The following PER2 variants were observed in gnomAD, a reference collection of about 807,000 sequenced individuals.
The protein encoded by PER2 is period circadian regulator 2, also known as period circadian protein homolog 2.
A neutral mutation model predicts 121.0 loss-of-function variants in PER2; 66 were observed. The observed-to-expected ratio is 0.55, with a 90% CI of 0.45 to 0.67. The LOEUF is 0.67. PER2 is among the 30% of genes least tolerant of loss of function. The probability of loss-of-function intolerance (pLI) is 0.00; values close to 1 mark genes in which losing one functional copy is unlikely to be tolerated. For missense variants in PER2, 1,521 were observed against 1,635.0 expected (o/e 0.93, Z 1.20); for synonymous variants, 684 against 659.9 (o/e 1.04, Z -0.56).
At chr2:238,260,803 T>C in intron 13 of PER2, 25 bp downstream of exon 13, 1 of 1,613,924 alleles carries the variant, frequency 6.2e-7, no homozygotes, top group South Asian at 1.1e-5. Context: ...ACTCATTTTC[T>C]CAGGGAGAAT....
chr2:238,254,877 T>G (rs1695714672), intron 18 of PER2: 1 of 152,104 alleles, frequency 6.6e-6, no homozygotes, highest in Non-Finnish European at 1.5e-5. Flanking sequence ...GCTTAATTTC[T>G]TACAAATTTC....
rs772375894 is a variant in PER2, at chr2:238,257,013, G to A, written c.1974C>T (p.Gly658=). ...GTHLTSLALP[G]KAESVASLTS... Reference sequence around the variant, plus strand: ...TGAGCGACGCCACACTCTCTGCCTTGCCCGGCAGTGCCAGCGAGGTCAGGT... The same window carrying A: ...TGAGCGACGCCACACTCTCTGCCTTACCCGGCAGTGCCAGCGAGGTCAGGT... The change falls in exon 17 of 23, where the codon GGC becomes GGT. Residue 658 remains glycine (G), a synonymous_variant. Coordinates refer to ENST00000254657, the MANE Select transcript of PER2 (RefSeq NM_022817.3). The A allele has an allele frequency of 9.3e-6, 15 of 1,613,472 alleles. No individual in the cohort carries two copies. Among genetic ancestry groups the A allele is most frequent in the Middle Eastern group, 1.6e-4 (1 of 6,082 alleles).
chr2:238,261,789 C>T lies in PER2; in HGVS notation c.1356G>A (p.Glu452=). ...CCTGAATGCTGGGGTGCAGGGCCTT[C>T]TCCTCTGTGCAGGGGTGGGCTGCAA... ...DVFAAHPCTE[E]KALHPSIQEL... The change falls in exon 12 of 23, where the codon GAG becomes GAA. Residue 452 remains glutamate, a synonymous_variant. Coordinates refer to ENST00000254657, the MANE Select transcript of PER2 (RefSeq NM_022817.3). 2 of 1,577,780 alleles carry T rather than the reference C, an allele frequency of 1.3e-6. No homozygotes were observed. Among genetic ancestry groups the T allele is most frequent in the East Asian group, 2.3e-5 (1 of 42,904 alleles).
chr2:238,260,827 C>A lies in PER2; in HGVS notation c.1542+1G>T. On this transcript the variant is annotated splice_donor_variant, in intron 13 of 22. Transcript: ENST00000254657. LOFTEE classifies it high-confidence loss of function. ...CTCAGGGAGAATGGAAGGAGACGTA[C>A]GGCTCTCCTCCGGCGTGAGTCCTCA... 2 of 1,614,004 alleles carry A rather than the reference C, an allele frequency of 1.2e-6. No individual in the cohort carries two copies. The highest frequency in any genetic ancestry group is 8.5e-7 in the Non-Finnish European group (1 of 1,179,920).
chr2:238,261,093 T>A lies in PER2; in HGVS notation c.1417-140A>T, dbSNP rs1695913882. The A allele has an allele frequency of 1.9e-5, 19 of 1,026,802 alleles. No individual in the cohort carries two copies. The South Asian group carries it at 2.8e-4, about 15-fold the overall frequency. 63.6% of individuals were successfully genotyped at this position (1,026,802 alleles called of 1,614,324 possible). ...ATGGCAGAGACCAGGGGAGCTGAGG[T>A]TTGAACCCCAGGGTCAGCTCCAGAG... On this transcript the variant is annotated intron_variant, in intron 12 of 22. Transcript: ENST00000254657.
chr2:238,270,917 G>A (rs1018392817), intron 6 of PER2, among the ~76,000 whole-genome samples: 16 of 152,246 alleles, frequency 1.1e-4, no homozygotes, highest in Non-Finnish European at 1.9e-4. Flanking sequence ...TCTGGGATAT[G>A]ACCCACTCAC....
At position 238,255,782 on chromosome 2, in the gene PER2, G is replaced by A. The variant is rs560261156; in HGVS notation, c.2195C>T (p.Ala732Val). The A allele has an allele frequency of 6.2e-7, 1 of 1,614,168 alleles. No homozygotes were observed. The highest frequency in any genetic ancestry group is 1.6e-4 in the Middle Eastern group (1 of 6,062). ...KLGLTKEVLA[A>V]HTQKEEQSFL... ...GCTCTGCTCCTCCTTCTGTGTGTGTGCAGCGAGTACCTCCTTGGTGAGGCC... is the reference window on the plus strand; with the variant it reads ...GCTCTGCTCCTCCTTCTGTGTGTGTACAGCGAGTACCTCCTTGGTGAGGCC... Residue 732 changes from alanine to valine, a missense_variant, in exon 18 of 23, where the codon GCA (alanine) becomes GTA (valine). Coordinates refer to ENST00000254657, the MANE Select transcript of PER2 (RefSeq NM_022817.3).
intron 1 of PER2, among the ~76,000 whole-genome samples, chr2:238,283,074 T>C (rs1239805872): frequency 6.6e-6 from 1 of 152,232 alleles, no homozygotes; most frequent in Non-Finnish European, 1.5e-5. Flanking sequence ...TGCTCCTCAC[T>C]GTCCTGCCTG....
intron 20 of PER2, among the ~76,000 whole-genome samples, chr2:238,251,323 G>C (rs4663867): frequency 0.095 from 14,491 of 152,278 alleles, 743 homozygotes; most frequent in South Asian, 0.13. Context: ...CCACTATCTG[G>C]GGAGTCAGAG....
intron 9 of PER2, among the ~76,000 whole-genome samples, chr2:238,264,490 G>A (rs1345804330): frequency 6.6e-6 from 1 of 152,238 alleles, no homozygotes; most frequent in African/African-American, 2.4e-5. Context: ...AGAGGAGGGA[G>A]AGGTCTTGAT....
chr2:238,277,858 G>A lies in PER2; in HGVS notation c.79C>T (p.Pro27Ser), dbSNP rs1696504179. ...CTCATGTCCACATCTTCCTGCAGTG[G>A]GACCTGGCTGGGCTGGGGCTCCACG... ...EPVEPQPSQV[P>S]LQEDVDMSSG... is the part of the protein sequence containing the mutation. Residue 27 changes from proline to serine, a missense_variant, in exon 2 of 23, where the codon CCA (proline) becomes TCA (serine). Transcript: ENST00000254657. 2 of 1,614,076 alleles carry A rather than the reference G, an allele frequency of 1.2e-6. No homozygotes were observed. The highest frequency in any genetic ancestry group is 2.2e-5 in the East Asian group (1 of 44,898).
intron 16 of PER2, 48 bp downstream of exon 16, chr2:238,258,228 A>G (rs747241668): frequency 2.5e-6 from 4 of 1,605,500 alleles, no homozygotes; most frequent in South Asian, 1.1e-5. Context: ...TCTACTCCAG[A>G]GGATTTACAT....
intron 11 of PER2, 46 bp from the exon 12 acceptor site, chr2:238,261,883 A>ACCT (rs1312340947): frequency 8.8e-6 from 12 of 1,356,888 alleles, no homozygotes; most frequent in Non-Finnish European, 1.2e-5. Context: ...CCACAGGAGG[A>ACCT]CCTCTCTGGC....
At chr2:238,278,396 C>T (rs1189196981) in intron 1 of PER2, among the ~76,000 whole-genome samples, 7 of 152,158 alleles carry the variant, frequency 4.6e-5, no homozygotes, top group Non-Finnish European at 7.4e-5. Context: ...ATCAATCACA[C>T]GCACGTTAGT....
intron 6 of PER2, among the ~76,000 whole-genome samples, chr2:238,270,355 G>C (rs1696245223): frequency 6.6e-6 from 1 of 151,994 alleles, no homozygotes. Flanking sequence ...AATGAAGGAA[G>C]AGGTGTTTCC....
At chr2:238,278,823 A>G (rs899319422) in intron 1 of PER2, among the ~76,000 whole-genome samples, 3 of 152,216 alleles carry the variant, frequency 2.0e-5, no homozygotes, top group East Asian at 3.9e-4. Context: ...TACAAGTGGG[A>G]TGGAGAGGGG....
chr2:238,268,291 G>A lies in PER2; in HGVS notation c.825-93C>T, dbSNP rs1696174484. The A allele has an allele frequency of 1.5e-6, 2 of 1,308,954 alleles. No homozygotes were observed. Among genetic ancestry groups the A allele is most frequent in the South Asian group, 1.2e-5 (1 of 81,872 alleles). The allele number at this position is 1,308,954 out of a possible 1,614,324, so 81.1% of individuals were successfully genotyped here. A position where few individuals can be genotyped will look rare whatever the true frequency, so the allele number is the denominator to read the frequency against. On this transcript the variant is annotated intron_variant, in intron 7 of 22. Transcript: ENST00000254657. This position sits in a 1 kb window ranked among gnomAD's most constrained non-coding sequence, Gnocchi z 4.0. ...CCTCACCTGGGCCCCATGCCATGCT[G>A]CAGGTGATGTGTACCTCTGCTCTGC... is the stretch of plus-strand genomic sequence containing the variant.
chr2:238,292,669 C>G (rs148329373), upstream of PER2, among the ~76,000 whole-genome samples: 227 of 150,114 alleles, frequency 1.5e-3, 9 homozygotes, highest in Admixed American at 0.011. Flanking sequence ...TTTTGTTTTT[C>G]TTTTTTATAG....
chr2:238,290,323 A>G (rs1696927651), upstream of PER2, among the ~76,000 whole-genome samples: 1 of 152,018 alleles, frequency 6.6e-6, no homozygotes, highest in Non-Finnish European at 1.5e-5. Context: ...ACAAATGCCA[A>G]GCAAACCCAG....
Sources: gnomAD v4.1 joint callset for allele counts (sites outside exome capture counted in the v4.1 genomes callset) on GRCh38, gnomAD v4.1.1 for gene constraint, Gnocchi (gnomAD v3.1) non-coding constraint, MANE v1.5 for transcripts, NCBI Gene and HGNC (gene_info 2026-07-23, HGNC 2026-07-21) for gene names.